The following NFATC3 variants were observed in gnomAD, a reference collection of about 807,000 sequenced individuals.
The protein encoded by NFATC3 is nuclear factor of activated T cells 3.
A neutral mutation model predicts 98.6 loss-of-function variants in NFATC3; 46 were observed. The ratio of observed to expected loss-of-function variants is 0.47; its 90% CI spans 0.37 to 0.60. NFATC3 has a LOEUF of 0.60. Among genes scored for constraint, NFATC3 ranks in the 20% least tolerant of loss-of-function variants. The pLI is 0.00. For missense variants in NFATC3, 1,256 were observed against 1,295.5 expected, an observed-to-expected ratio of 0.97 and a Z score of 0.47; for synonymous variants, 512 against 472.2, an observed-to-expected ratio of 1.08 and a Z score of -1.09.
intron 3 of NFATC3, among the ~76,000 whole-genome samples, chr16:68,131,574 G>A (rs1487378298): frequency 6.6e-6 from 1 of 151,942 alleles, no homozygotes; most frequent in Non-Finnish European, 1.5e-5. Flanking sequence ...CACTGTGCCT[G>A]GCCAACAAAA....
intron 9 of NFATC3, among the ~76,000 whole-genome samples, chr16:68,195,511 G>GA (rs901359130): frequency 1.5e-4 from 23 of 148,782 alleles, no homozygotes; most frequent in South Asian, 4.3e-4. Flanking sequence ...CTCTAAAATT[G>GA]AAAAAAAAAT....
intron 1 of NFATC3, among the ~76,000 whole-genome samples, chr16:68,116,607 A>C (rs780350890): frequency 1.1e-4 from 16 of 152,208 alleles, no homozygotes; most frequent in Non-Finnish European, 2.1e-4. Context: ...GAAAAAGATA[A>C]AGCAGCATTC....
chr16:68,227,992 T>C lies in NFATC3; in HGVS notation c.*1521T>C, dbSNP rs764578301. ...GCTGGTTGAAGGCCTGATGCTGTTA[T>C]TCCAGGAGACTGCAGGCCCTTGATG... On this transcript the variant is annotated 3_prime_UTR_variant, in exon 10 of 10. Transcript: ENST00000346183. 6.6e-6 allele frequency: 1 copy of C among 152,198 alleles called. No individual in the cohort carries two copies. The highest frequency in any genetic ancestry group is 1.5e-5 in the Non-Finnish European group (1 of 68,054). The allele number at this position is 152,198 out of a possible 1,614,324, so 9.4% of individuals were successfully genotyped here. A position where few individuals can be genotyped will look rare whatever the true frequency, so the allele number is the denominator to read the frequency against.
intron 6 of NFATC3, among the ~76,000 whole-genome samples, chr16:68,180,333 A>AAG (rs2039902376): frequency 6.6e-6 from 1 of 152,082 alleles, no homozygotes; most frequent in African/African-American, 2.4e-5. Context: ...GGATACCATA[A>AAG]AGAGACATTT....
chr16:68,099,682 T>C (rs1237837843), intron 1 of NFATC3, among the ~76,000 whole-genome samples: 3 of 152,028 alleles, frequency 2.0e-5, no homozygotes, highest in Non-Finnish European at 2.9e-5. Flanking sequence ...AGCACATCCT[T>C]TTCCCTCCCT....
chr16:68,146,763 G>T (rs2038057224), intron 3 of NFATC3, among the ~76,000 whole-genome samples: 1 of 152,208 alleles, frequency 6.6e-6, no homozygotes, highest in South Asian at 2.1e-4. Flanking sequence ...AATTAAGCAG[G>T]CACAGACCTT....
intron 1 of NFATC3, among the ~76,000 whole-genome samples, chr16:68,093,281 C>A (rs1428674326): frequency 1.3e-5 from 2 of 152,054 alleles, no homozygotes; most frequent in Admixed American, 6.6e-5. Context: ...ATTCTAGATT[C>A]ATTTCTGTTG....
At position 68,227,833 on chromosome 16, in the gene NFATC3, T is replaced by A. The variant is rs1281075159; in HGVS notation, c.*1362T>A. ...AAAAACCTGCCCTTACCCCTCTCCC[T>A]AATGGGATTTTTTTTACCTGTTCCT... On this transcript the variant is annotated 3_prime_UTR_variant, in exon 10 of 10. Transcript: ENST00000346183. 6.6e-6 allele frequency: 1 copy of A among 151,958 alleles called. No homozygotes were observed. The highest frequency in any genetic ancestry group is 1.5e-5 in the Non-Finnish European group (1 of 67,964). The allele number at this position is 151,958 out of a possible 1,614,324, so 9.4% of individuals were successfully genotyped here.
intron 5 of NFATC3, among the ~76,000 whole-genome samples, chr16:68,167,849 T>TTTTTTTG (rs2039280290): frequency 2.4e-5 from 3 of 127,054 alleles, no homozygotes; most frequent in Non-Finnish European, 4.9e-5. Flanking sequence ...TTTTTTTTTT[T>TTTTTTTG]GAGACGGAGA....
At chr16:68,086,282 C>A (rs899943605) in intron 1 of NFATC3, among the ~76,000 whole-genome samples, 1 of 152,136 alleles carries the variant, frequency 6.6e-6, no homozygotes, top group Non-Finnish European at 1.5e-5. Flanking sequence ...GAGTTAACGT[C>A]CACTCGTGCA....
intron 3 of NFATC3, among the ~76,000 whole-genome samples, chr16:68,146,206 A>T (rs937406757): frequency 9.2e-5 from 14 of 152,106 alleles, no homozygotes; most frequent in Admixed American, 9.2e-4. Context: ...CAGATTAGGG[A>T]TATTCAACCT....
In NFATC3 at chr16:68,137,483, T is replaced by C. The variant is rs908555722; in HGVS notation, c.1401+10873T>C. ...ATGACTGTACATTTTACAGGTGATC[T>C]GAGGTTATGTATGTTGTAATTGGCA... On this transcript the variant is annotated intron_variant, in intron 3 of 9. Transcript: ENST00000346183. 8.5e-5 allele frequency among the ~76,000 whole-genome samples: 13 copies of C among 152,316 alleles called. No homozygotes were observed. The South Asian group carries it at 2.7e-3, about 32-fold the overall frequency.
intron 9 of NFATC3, among the ~76,000 whole-genome samples, chr16:68,201,567 G>C (rs894830373): frequency 6.6e-6 from 1 of 151,500 alleles, no homozygotes; most frequent in Non-Finnish European, 1.5e-5. Flanking sequence ...CACTGTGCCC[G>C]TTTGTCAAGC....
chr16:68,128,304 A>G (rs1472586908), intron 3 of NFATC3, among the ~76,000 whole-genome samples: 4 of 152,100 alleles, frequency 2.6e-5, no homozygotes, highest in Non-Finnish European at 2.9e-5. Context: ...ATAAAGATTT[A>G]CATTTTAGAT....
At chr16:68,123,995 CAA>C (rs933152204) in intron 2 of NFATC3, among the ~76,000 whole-genome samples, 1 of 134,594 alleles carries the variant, frequency 7.4e-6, no homozygotes, top group Admixed American at 7.4e-5. Flanking sequence ...CACCCCCCTA[CAA>C]AAAAAAAAAG....
chr16:68,099,516 G>A (rs924697363), intron 1 of NFATC3, among the ~76,000 whole-genome samples: 7 of 151,588 alleles, frequency 4.6e-5, no homozygotes, highest in Admixed American at 1.3e-4. Flanking sequence ...CAGGCGAATC[G>A]CTTGAACCTG....
At chr16:68,179,808 C>T (rs2039877764) in intron 6 of NFATC3, among the ~76,000 whole-genome samples, 2 of 152,142 alleles carry the variant, frequency 1.3e-5, no homozygotes, top group African/African-American at 4.8e-5. Flanking sequence ...TTTGACAAGT[C>T]AAGGGATCCA....
At chr16:68,162,562 TG>T (rs1331271897) in intron 4 of NFATC3, among the ~76,000 whole-genome samples, 1 of 151,722 alleles carries the variant, frequency 6.6e-6, no homozygotes, top group Non-Finnish European at 1.5e-5. Flanking sequence ...TACTAAGCCA[TG>T]GGCTTGGTTA....
intron 9 of NFATC3, 131 bp downstream of exon 9, chr16:68,191,906 A>C: frequency 1.1e-6 from 1 of 932,444 alleles, no homozygotes; most frequent in Non-Finnish European, 1.6e-6. Flanking sequence ...TGTTATTAGA[A>C]ATATATGTTA....
Sources: gnomAD v4.1 joint callset for allele counts (sites outside exome capture counted in the v4.1 genomes callset) on GRCh38, gnomAD v4.1.1 for gene constraint, MANE v1.5 for transcripts, NCBI Gene and HGNC (gene_info 2026-07-23, HGNC 2026-07-21) for gene names.